Variants in KCNIP1 observed in about 807,000 individuals in gnomAD.
KCNIP1 encodes potassium voltage-gated channel interacting protein 1.
In KCNIP1, 18 loss-of-function variants were observed where a neutral mutation model predicts 33.0. That is an observed-to-expected ratio of 0.55 (90% CI 0.38 to 0.81). The LOEUF (loss-of-function observed/expected upper bound fraction) is 0.81, where lower values mean the gene tolerates loss of function less well. KCNIP1 is among the 30% of genes least tolerant of loss of function. The pLI is 0.00. For missense variants in KCNIP1, 238 were observed against 271.6 expected, an observed-to-expected ratio of 0.88 and a Z score of 0.87; for synonymous variants, 93 against 98.3, an observed-to-expected ratio of 0.95 and a Z score of 0.32.
At chr5:170,360,853 G>A (rs73325611) in intron 1 of KCNIP1, among the ~76,000 whole-genome samples, 11 of 152,206 alleles carry the variant, frequency 7.2e-5, no homozygotes, top group African/African-American at 1.9e-4. Context: ...AATAAATAAC[G>A]ACTAAATGCT....
intron 1 of KCNIP1, among the ~76,000 whole-genome samples, chr5:170,464,620 G>C (rs1435264933): frequency 1.3e-5 from 2 of 152,184 alleles, no homozygotes; most frequent in Admixed American, 1.3e-4. Context: ...CAGGCTCAAA[G>C]AAATATGGGG....
chr5:170,724,815 G>A (rs1461206383), intron 5 of KCNIP1, among the ~76,000 whole-genome samples: 1 of 152,092 alleles, frequency 6.6e-6, no homozygotes, highest in Non-Finnish European at 1.5e-5. Context: ...CTGAAATAAA[G>A]TAAAGAACTA....
At chr5:170,484,497 C>T (rs1469421651) in intron 1 of KCNIP1, among the ~76,000 whole-genome samples, 1 of 152,180 alleles carries the variant, frequency 6.6e-6, no homozygotes, top group East Asian at 1.9e-4. Context: ...CCGGGCCTCC[C>T]TCTGGCATCC....
intron 1 of KCNIP1, among the ~76,000 whole-genome samples, chr5:170,670,452 C>G (rs891528801): frequency 6.6e-6 from 1 of 152,172 alleles, no homozygotes; most frequent in East Asian, 1.9e-4. Flanking sequence ...CCTCACTACC[C>G]TAGAGGCATA....
At chr5:170,539,812 T>C (rs1490768522) in intron 1 of KCNIP1, among the ~76,000 whole-genome samples, 3 of 152,048 alleles carry the variant, frequency 2.0e-5, no homozygotes, top group Non-Finnish European at 4.4e-5. Flanking sequence ...AGTGAGGGGC[T>C]GAATTGGGGG....
At chr5:170,595,166 C>T (rs1758400789) in intron 1 of KCNIP1, among the ~76,000 whole-genome samples, 1 of 152,084 alleles carries the variant, frequency 6.6e-6, no homozygotes, top group South Asian at 2.1e-4. Flanking sequence ...TGTGATGGGG[C>T]TTGTCTGGGG....
chr5:170,734,248 TG>T (rs937364245), intron 7 of KCNIP1, among the ~76,000 whole-genome samples: 20 of 65,244 alleles, frequency 3.1e-4, no homozygotes, highest in Admixed American at 1.9e-3. Context: ...AGGAAGCAGC[TG>T]GGGGGAAAAA....
intron 1 of KCNIP1, among the ~76,000 whole-genome samples, chr5:170,617,347 C>T (rs976852274): frequency 2.0e-5 from 3 of 151,958 alleles, no homozygotes; most frequent in Admixed American, 6.6e-5. Context: ...CTCTTTGAGC[C>T]GGCAGGTTAA....
intron 1 of KCNIP1, among the ~76,000 whole-genome samples, chr5:170,606,283 T>G: frequency 6.6e-6 from 1 of 152,202 alleles, no homozygotes; most frequent in Non-Finnish European, 1.5e-5. Context: ...CGTTGGCTCA[T>G]ATGGTAACTC....
In KCNIP1 at chr5:170,624,808, C is replaced by T. The variant is rs867230805; in HGVS notation, c.62-93950C>T. ...GAGAAAAGCGCAGCTGGCTTCCTCA[C>T]TCTCCTTTCCTTCCTCACCATCCTT... On this transcript the variant is annotated intron_variant, in intron 1 of 7. Transcript: ENST00000328939. Among the ~76,000 whole-genome samples the T allele has an allele frequency of 4.7e-4, 71 of 151,520 alleles. No homozygotes were observed. The Middle Eastern group carries it at 0.024, about 52-fold the overall frequency.
chr5:170,533,671 A>G (rs1410404859), intron 1 of KCNIP1, among the ~76,000 whole-genome samples: 4 of 152,160 alleles, frequency 2.6e-5, no homozygotes. Flanking sequence ...GATCTAATAA[A>G]CCTGTTAGCA....
intron 1 of KCNIP1, among the ~76,000 whole-genome samples, chr5:170,414,036 T>G (rs916921214): frequency 1.2e-4 from 18 of 151,696 alleles, no homozygotes; most frequent in African/African-American, 3.9e-4. Flanking sequence ...TCGCAGTGAC[T>G]AAGATTAATG....
At chr5:170,636,517 T>C (rs1022973776) in intron 1 of KCNIP1, among the ~76,000 whole-genome samples, 4 of 152,116 alleles carry the variant, frequency 2.6e-5, no homozygotes, top group Non-Finnish European at 5.9e-5. Flanking sequence ...AGAATATTGA[T>C]TGAGCACCTA....
chr5:170,465,665 A>AGAGG (rs1349399438), intron 1 of KCNIP1, among the ~76,000 whole-genome samples: 3 of 152,176 alleles, frequency 2.0e-5, no homozygotes, highest in African/African-American at 7.2e-5. Flanking sequence ...AGAGAGAGAG[A>AGAGG]GAGTGAGAGA....
At chr5:170,476,527 A>G (rs978498830) in intron 1 of KCNIP1, among the ~76,000 whole-genome samples, 2 of 152,212 alleles carry the variant, frequency 1.3e-5, no homozygotes, top group Non-Finnish European at 2.9e-5. Flanking sequence ...CACAATATGA[A>G]TAGAAAAATT....
intron 1 of KCNIP1, among the ~76,000 whole-genome samples, chr5:170,631,126 C>T (rs973785725): frequency 2.6e-5 from 4 of 152,184 alleles, no homozygotes; most frequent in Admixed American, 6.5e-5. Flanking sequence ...GACAATCACT[C>T]AGCTTCACAA....
chr5:170,535,875 T>A (rs1285199214), intron 1 of KCNIP1, among the ~76,000 whole-genome samples: 2 of 152,180 alleles, frequency 1.3e-5, no homozygotes, highest in Admixed American at 6.5e-5. Flanking sequence ...TGAACTGCCC[T>A]CCGCCTGTCT....
intron 1 of KCNIP1, among the ~76,000 whole-genome samples, chr5:170,601,346 C>A (rs1305253656): frequency 6.7e-6 from 1 of 148,174 alleles, no homozygotes; most frequent in Non-Finnish European, 1.5e-5. Context: ...GCCAGCTATC[C>A]CCAGAGACAT....
rs201248360 is a variant in KCNIP1, at chr5:170,383,818, A to G, written c.88+29854A>G. 21 of 1,613,928 alleles carry G rather than the reference A, an allele frequency of 1.3e-5. No individual in the cohort carries two copies. The highest frequency in any genetic ancestry group is 1.8e-5 in the Non-Finnish European group (21 of 1,180,004). Reference sequence around the variant, plus strand: ...CTCCTGGTCCCTGATGTTGGTCTCAATCAGGTGGCACTTGGATTCCTGGGT... The same window carrying G: ...CTCCTGGTCCCTGATGTTGGTCTCAGTCAGGTGGCACTTGGATTCCTGGGT... On this transcript the variant is annotated intron_variant, in intron 1 of 7. Transcript: ENST00000377360.
Sources: allele counts gnomAD v4.1 joint callset (sites outside exome capture counted in the v4.1 genomes callset), GRCh38; gene constraint gnomAD v4.1.1; transcripts MANE v1.5; gene names NCBI Gene and HGNC (gene_info 2026-07-23, HGNC 2026-07-21).